The following BLTP3A variants were observed in gnomAD, a reference collection of about 807,000 sequenced individuals.
BLTP3A encodes bridge-like lipid transfer protein family member 3A.
the BLTP3A span, among the ~76,000 whole-genome samples, chr6:34,807,169 A>G: frequency 6.6e-6 from 1 of 152,220 alleles, no homozygotes; most frequent in African/African-American, 2.4e-5. Flanking sequence ...AGTAAAGGAA[A>G]TTAAGGGAAC....
At chr6:34,792,181 C>T in the BLTP3A span, 30 of 1,427,016 alleles carry the variant, frequency 2.1e-5, no homozygotes, top group East Asian at 8.5e-4. Context: ...GAGGGGACCG[C>T]CTCTTCTCCA....
the BLTP3A span, among the ~76,000 whole-genome samples, chr6:34,844,152 T>C: frequency 6.6e-6 from 1 of 152,020 alleles, no homozygotes; most frequent in African/African-American, 2.4e-5. Context: ...GGCTAATTTT[T>C]TTTGTATTTT....
chr6:34,863,644 T>C, the BLTP3A span, among the ~76,000 whole-genome samples: 1 of 152,182 alleles, frequency 6.6e-6, no homozygotes, highest in Non-Finnish European at 1.5e-5. Context: ...CAGAAGCAAC[T>C]AAATACTTAT....
chr6:34,858,953 A>G, the BLTP3A span: 2 of 1,614,098 alleles, frequency 1.2e-6, 1 homozygote, highest in South Asian at 2.2e-5. Flanking sequence ...CCCCTGCAGA[A>G]TCAGACAGCT....
At chr6:34,857,614 C>A in the BLTP3A span, 1 of 1,446,986 alleles carries the variant, frequency 6.9e-7, no homozygotes, top group Non-Finnish European at 9.4e-7. Flanking sequence ...AACACTCTGC[C>A]CTGTATAAAT....
the BLTP3A span, among the ~76,000 whole-genome samples, chr6:34,815,961 G>A: frequency 3.3e-5 from 5 of 152,254 alleles, no homozygotes; most frequent in Middle Eastern, 6.8e-3. Flanking sequence ...TTTAAAATAA[G>A]CATTCCAAAA....
the BLTP3A span, among the ~76,000 whole-genome samples, chr6:34,808,723 A>G: frequency 1.3e-5 from 2 of 152,160 alleles, no homozygotes; most frequent in Admixed American, 1.3e-4. Flanking sequence ...AGCTGGGACT[A>G]CAGGTGCATG....
the BLTP3A span, chr6:34,858,730 G>A: frequency 4.1e-5 from 66 of 1,614,252 alleles, no homozygotes; most frequent in South Asian, 6.9e-4. Flanking sequence ...AGAAGTCATG[G>A]AAATTCTGAA....
chr6:34,812,705 A>G, the BLTP3A span, among the ~76,000 whole-genome samples: 4 of 152,090 alleles, frequency 2.6e-5, no homozygotes, highest in Non-Finnish European at 2.9e-5. Flanking sequence ...CTTGGCTTCA[A>G]GCAGTTCCAA....
chr6:34,850,307 AGTTT>A, the BLTP3A span, among the ~76,000 whole-genome samples: 1 of 151,462 alleles, frequency 6.6e-6, no homozygotes, highest in South Asian at 2.1e-4. Context: ...GACTTTTGGG[AGTTT>A]GTTTATTAAA....
chr6:34,827,060 C>G, the BLTP3A span, among the ~76,000 whole-genome samples: 2 of 152,168 alleles, frequency 1.3e-5, no homozygotes. Flanking sequence ...CACCTGTAAT[C>G]CCAGCACTCT....
the BLTP3A span, among the ~76,000 whole-genome samples, chr6:34,853,220 A>G: frequency 4.6e-5 from 7 of 152,192 alleles, no homozygotes; most frequent in Non-Finnish European, 1.0e-4. Context: ...TGCATTGCCA[A>G]GCAGGCTGGA....
chr6:34,823,293 G>A, the BLTP3A span: 2 of 1,613,996 alleles, frequency 1.2e-6, no homozygotes, highest in Admixed American at 3.3e-5. Context: ...GAAGACATGT[G>A]AGGATCCTCG....
At chr6:34,796,546 A>G in the BLTP3A span, among the ~76,000 whole-genome samples, 13 of 152,248 alleles carry the variant, frequency 8.5e-5, no homozygotes, top group African/African-American at 2.4e-4. Flanking sequence ...CAATGATTTA[A>G]AAAATATTCA....
chr6:34,849,664 G>A, the BLTP3A span, among the ~76,000 whole-genome samples: 4 of 152,060 alleles, frequency 2.6e-5, no homozygotes, highest in African/African-American at 9.7e-5. Context: ...TTTCCAGTGA[G>A]TTTTATACCA....
the BLTP3A span, among the ~76,000 whole-genome samples, chr6:34,844,172 C>T: frequency 1.3e-5 from 2 of 151,902 alleles, no homozygotes; most frequent in Admixed American, 6.6e-5. Context: ...TTAGTAGAGA[C>T]GGGGTTTCAC....
the BLTP3A span, chr6:34,792,367 G>A: frequency 1.4e-6 from 2 of 1,391,888 alleles, no homozygotes; most frequent in Admixed American, 2.6e-5. Flanking sequence ...CCCTGACGCC[G>A]CGCTCCGGGC....
the BLTP3A span, among the ~76,000 whole-genome samples, chr6:34,801,720 TA>T: frequency 1.3e-5 from 2 of 151,946 alleles, no homozygotes; most frequent in African/African-American, 4.8e-5. Flanking sequence ...TTTATTTATT[TA>T]TTTATTTATT....
the BLTP3A span, among the ~76,000 whole-genome samples, chr6:34,831,613 T>A: frequency 2.0e-5 from 3 of 152,350 alleles, no homozygotes; most frequent in Middle Eastern, 6.8e-3. Context: ...TTTTAACATT[T>A]GAATCTCTAG....
Sources: gnomAD v4.1 joint callset for allele counts (sites outside exome capture counted in the v4.1 genomes callset) on GRCh38, gnomAD v4.1.1 for gene constraint, MANE v1.5 for transcripts, NCBI Gene and HGNC (gene_info 2026-07-23, HGNC 2026-07-21) for gene names.